NCEH1: variants seen among roughly 807,000 people sequenced by gnomAD.
NCEH1 encodes neutral cholesterol ester hydrolase 1, also known as 2-acetyl MAGE hydrolase.
Under a neutral mutation model 25.4 loss-of-function variants are expected in NCEH1, and 9 were observed. That is an observed-to-expected ratio of 0.35 (90% CI 0.21 to 0.62). The LOEUF is 0.62. NCEH1 is among the 20% of genes least tolerant of loss of function. The pLI is 0.72. For synonymous variants in NCEH1, 200 were observed against 199.8 expected (o/e 1.00, Z -0.01); for missense variants, 412 against 501.1 (o/e 0.82, Z 1.70).
intron 1 of NCEH1, among the ~76,000 whole-genome samples, chr3:172,708,163 C>A (rs1714110669): frequency 6.6e-6 from 1 of 152,170 alleles, no homozygotes; most frequent in Non-Finnish European, 1.5e-5. Context: ...ATAAAAAATG[C>A]TAAAGCATAA....
At chr3:172,650,391 C>T (rs530078990) in intron 1 of NCEH1, among the ~76,000 whole-genome samples, 13 of 152,138 alleles carry the variant, frequency 8.5e-5, no homozygotes, top group African/African-American at 2.7e-4. Flanking sequence ...CGCCTGTAAT[C>T]CCAGCACTTT....
intron 1 of NCEH1, among the ~76,000 whole-genome samples, chr3:172,658,442 G>A (rs947766707): frequency 6.6e-6 from 1 of 152,116 alleles, no homozygotes; most frequent in African/African-American, 2.4e-5. Flanking sequence ...TCCCACATGA[G>A]GGCATGCATG....
chr3:172,662,455 A>G (rs1394481273), intron 1 of NCEH1, among the ~76,000 whole-genome samples: 4 of 152,120 alleles, frequency 2.6e-5, no homozygotes, highest in Non-Finnish European at 5.9e-5. Context: ...TGCCAGACTT[A>G]GGTATCAGGA....
chr3:172,696,918 G>GT (rs1162329048), intron 1 of NCEH1, among the ~76,000 whole-genome samples: 2 of 152,050 alleles, frequency 1.3e-5, no homozygotes, highest in South Asian at 4.2e-4. Flanking sequence ...TATTCAATGG[G>GT]TAATATATAT....
In NCEH1 at chr3:172,632,034, G is replaced by A. The variant is rs766942618; in HGVS notation, c.*1441C>T. Reference sequence around the variant, plus strand: ...TGAAACTTCCAGACCTGGCTGGAAGGAGGAGATGGGGGATCTAGGCAACAC... The same window carrying A: ...TGAAACTTCCAGACCTGGCTGGAAGAAGGAGATGGGGGATCTAGGCAACAC... On this transcript the variant is annotated 3_prime_UTR_variant, in exon 5 of 5. Coordinates refer to ENST00000475381, the MANE Select transcript of NCEH1 (RefSeq NM_020792.6). The A allele has an allele frequency of 1.2e-4, 19 of 152,758 alleles. No homozygotes were observed. Among genetic ancestry groups the A allele is most frequent in the African/African-American group, 4.3e-4 (18 of 41,570 alleles). The allele number at this position is 152,758 out of a possible 1,614,324, so 9.5% of individuals were successfully genotyped here.
chr3:172,667,413 T>G lies in NCEH1; in HGVS notation c.139-19299A>C, dbSNP rs140274420. On this transcript the variant is annotated intron_variant, in intron 1 of 4. Transcript: ENST00000475381. ...AAAGACGACACAGTCTCTCTGGAGA[T>G]ACGTTTTTTGGGGAGCCAGGCAGAT... Among the ~76,000 whole-genome samples, 63 of 152,312 alleles carry G rather than the reference T, an allele frequency of 4.1e-4. No individual in the cohort carries two copies. In the East Asian group the frequency reaches 0.012, roughly 28 times the overall value.
intron 1 of NCEH1, 33 bp from the exon 2 acceptor site, chr3:172,648,147 G>A: frequency 1.9e-6 from 3 of 1,612,150 alleles, no homozygotes; most frequent in South Asian, 1.1e-5. Flanking sequence ...AAGAGGGAGG[G>A]CGCACGTCAA....
At chr3:172,707,882 G>A (rs1182181677) in intron 1 of NCEH1, among the ~76,000 whole-genome samples, 2 of 152,196 alleles carry the variant, frequency 1.3e-5, no homozygotes, top group East Asian at 3.8e-4. Flanking sequence ...CACCGCGCCC[G>A]GCTGGAACTT....
Position 172,634,079 on chromosome 3 carries a change from G to A in NCEH1, c.623C>T (p.Ala208Val), listed in dbSNP as rs1304373346. 2 of 1,612,992 alleles carry A rather than the reference G, an allele frequency of 1.2e-6. No homozygotes were observed. The change falls in exon 5 of 5, where the codon GCC becomes GTC. Residue 208 changes from alanine to valine, a missense_variant. This residue lies in a region of NCEH1 where 210 missense variants were observed against 258.2 expected (regional missense o/e 0.81). Coordinates refer to ENST00000475381, the MANE Select transcript of NCEH1 (RefSeq NM_020792.6). The stretch of plus-strand genomic sequence containing the variant: ...TAGTTTGAGCTTATTTTTTAGGCTG[G>A]CATCTTGAGTAAACTAGAGAAGAGG... ...AALGQQFTQD[A>V]SLKNKLKLQA... is the part of the protein sequence containing the mutation.
At chr3:172,700,855 C>G (rs1713639981) in intron 1 of NCEH1, among the ~76,000 whole-genome samples, 1 of 151,506 alleles carries the variant, frequency 6.6e-6, no homozygotes, top group Non-Finnish European at 1.5e-5. Context: ...CAATGGCAAC[C>G]AGTTATTTAT....
rs549631045 is a variant in NCEH1 at position 172,710,989 on chromosome 3, C to T, written c.-5G>A. The T allele has an allele frequency of 5.0e-6, 8 of 1,614,030 alleles. No homozygotes were observed. In the Admixed American group the frequency reaches 1.0e-4, roughly 20 times the overall value. On this transcript the variant is annotated 5_prime_UTR_variant, in exon 1 of 5. Coordinates refer to ENST00000475381, the MANE Select transcript of NCEH1 (RefSeq NM_020792.6). ...CAGGACACAGGACGACCTCATCTTG[C>T]CCTGGCTCGGCTCGCCAGCGGGCTG...
intron 1 of NCEH1, among the ~76,000 whole-genome samples, chr3:172,677,665 A>G (rs1202081192): frequency 6.6e-6 from 1 of 152,228 alleles, no homozygotes; most frequent in African/African-American, 2.4e-5. Flanking sequence ...GGGGCGGCTC[A>G]CGCCTGTAAT....
intron 1 of NCEH1, among the ~76,000 whole-genome samples, chr3:172,673,719 A>G (rs938905400): frequency 1.3e-5 from 2 of 152,216 alleles, no homozygotes; most frequent in African/African-American, 4.8e-5. Context: ...GCCAAGTCAA[A>G]GGCAAGGAAG....
At chr3:172,690,050 C>A (rs1712948707) in intron 1 of NCEH1, among the ~76,000 whole-genome samples, 1 of 151,588 alleles carries the variant, frequency 6.6e-6, no homozygotes, top group Non-Finnish European at 1.5e-5. Context: ...ACTACAGGCG[C>A]CCGCCACCAT....
chr3:172,704,812 C>T (rs574742837), intron 1 of NCEH1, among the ~76,000 whole-genome samples: 2 of 152,328 alleles, frequency 1.3e-5, no homozygotes, highest in Admixed American at 6.5e-5. Flanking sequence ...ATAGACTCTC[C>T]CTCCTATGAG....
At chr3:172,665,434 G>A (rs1718162165) in intron 1 of NCEH1, among the ~76,000 whole-genome samples, 1 of 152,174 alleles carries the variant, frequency 6.6e-6, no homozygotes, top group Non-Finnish European at 1.5e-5. Context: ...GCTACTGAGG[G>A]GTCAGGGACC....
intron 1 of NCEH1, among the ~76,000 whole-genome samples, chr3:172,676,139 G>A (rs1711980610): frequency 6.6e-6 from 1 of 152,144 alleles, no homozygotes; most frequent in Non-Finnish European, 1.5e-5. Flanking sequence ...TCTCTTGAGG[G>A]GGGAAATAAT....
chr3:172,640,375 T>G lies in NCEH1; in HGVS notation c.438-4288A>C, dbSNP rs186250327. Among the ~76,000 whole-genome samples the G allele has an allele frequency of 2.6e-4, 40 of 152,328 alleles. No homozygotes were observed. In the East Asian group the frequency reaches 7.1e-3, roughly 27 times the overall value. On this transcript the variant is annotated intron_variant, in intron 3 of 4. Coordinates refer to ENST00000475381, the MANE Select transcript of NCEH1 (RefSeq NM_020792.6). ...ATCAATAATTAAATCCAGATTGTGC[T>G]CTCTGAGTGAGACAACTCCAGAGGG... is the stretch of plus-strand genomic sequence containing the variant.
At chr3:172,707,128 T>C (rs1714047518) in intron 1 of NCEH1, among the ~76,000 whole-genome samples, 1 of 152,156 alleles carries the variant, frequency 6.6e-6, no homozygotes, top group African/African-American at 2.4e-5. Flanking sequence ...TCTCCAGCAG[T>C]GTACACTTAG....
Sources: allele counts gnomAD v4.1 joint callset (sites outside exome capture counted in the v4.1 genomes callset), GRCh38; gene constraint gnomAD v4.1.1; regional missense constraint gnomAD v4.1.1; transcripts MANE v1.5; gene names NCBI Gene and HGNC (gene_info 2026-07-23, HGNC 2026-07-21).